Variants in ST18 observed in about 807,000 individuals in gnomAD.
The protein encoded by ST18 is suppression of tumorigenicity 18 protein.
A neutral mutation model predicts 110.0 loss-of-function variants in ST18; 50 were observed. That is an observed-to-expected ratio of 0.45 (90% CI 0.36 to 0.58). The LOEUF (loss-of-function observed/expected upper bound fraction) is 0.58, where lower values mean the gene tolerates loss of function less well. Ranked by LOEUF, ST18 falls within the 20% of genes least tolerant of loss-of-function variation. The pLI, the probability that ST18 is intolerant of heterozygous loss-of-function variation, is 0.00. For missense variants in ST18, 1,306 were observed against 1,280.1 expected (o/e 1.02, Z -0.31); for synonymous variants, 461 against 452.4 (o/e 1.02, Z -0.24).
At position 52,269,477 on chromosome 8, in the gene ST18, C is replaced by T. The variant is rs74482131; in HGVS notation, c.-464-39400G>A. On this transcript the variant is annotated intron_variant, in intron 2 of 25. Transcript: ENST00000689386. ...GTCACTGCTACAGACATTCCTGAGACAATACTAGCTGCCTGTTAGGCCACC... is the reference window on the plus strand; with the variant it reads ...GTCACTGCTACAGACATTCCTGAGATAATACTAGCTGCCTGTTAGGCCACC... 1.0e-3 allele frequency among the ~76,000 whole-genome samples: 154 copies of T among 152,268 alleles called. 2 individuals carry two copies. In the East Asian group the frequency reaches 0.024, roughly 23 times the overall value.
intron 3 of ST18, among the ~76,000 whole-genome samples, chr8:52,223,414 C>A (rs927157163): frequency 8.5e-5 from 13 of 152,206 alleles, no homozygotes; most frequent in Middle Eastern, 3.4e-3. Context: ...GAGGCCGAGG[C>A]GGGTGGATCA....
At chr8:52,203,361 A>G (rs1304171204) in intron 8 of ST18, among the ~76,000 whole-genome samples, 1 of 152,144 alleles carries the variant, frequency 6.6e-6, no homozygotes, top group African/African-American at 2.4e-5. Context: ...CCACCACACA[A>G]ACTCTTGGCT....
At chr8:52,266,521 G>A (rs1353295586) in intron 2 of ST18, among the ~76,000 whole-genome samples, 1 of 151,366 alleles carries the variant, frequency 6.6e-6, no homozygotes, top group Non-Finnish European at 1.5e-5. Flanking sequence ...ACAGGGGAAG[G>A]ATCGCAGAGT....
At chr8:52,163,934 G>A in intron 13 of ST18, 52 bp downstream of exon 13, 1 of 1,432,440 alleles carries the variant, frequency 7.0e-7, no homozygotes, top group Non-Finnish European at 9.8e-7. Flanking sequence ...AGGCCCCGCT[G>A]TGCAGGAGCC....
chr8:52,292,980 G>A (rs1341752374), intron 2 of ST18, among the ~76,000 whole-genome samples: 1 of 152,130 alleles, frequency 6.6e-6, no homozygotes, highest in African/African-American at 2.4e-5. Context: ...ATTATTCTAG[G>A]ATGGCCTCAG....
intron 16 of ST18, among the ~76,000 whole-genome samples, chr8:52,144,167 A>G (rs370033740): frequency 9.1e-4 from 138 of 152,242 alleles, no homozygotes; most frequent in African/African-American, 3.2e-3. Flanking sequence ...GTTTTTCTCA[A>G]TCACATAATT....
chr8:52,180,099 GT>G (rs1244968483), intron 9 of ST18, 22 bp downstream of exon 9: 1 of 1,611,824 alleles, frequency 6.2e-7, no homozygotes, highest in East Asian at 2.2e-5. Flanking sequence ...AGCAGGTAAA[GT>G]TTGGGCTCTC....
At chr8:52,203,797 C>G (rs1020256359) in intron 8 of ST18, among the ~76,000 whole-genome samples, 2 of 151,958 alleles carry the variant, frequency 1.3e-5, no homozygotes, top group Non-Finnish European at 2.9e-5. Flanking sequence ...AGATTTGGAC[C>G]AAAGGGAGCC....
intron 2 of ST18, among the ~76,000 whole-genome samples, chr8:52,384,770 C>T (rs1835883273): frequency 7.3e-6 from 1 of 137,680 alleles, no homozygotes; most frequent in Non-Finnish European, 1.5e-5. Context: ...CATTCATTCC[C>T]CTATGTGTGT....
At chr8:52,299,020 G>T (rs2095675095) in intron 2 of ST18, among the ~76,000 whole-genome samples, 1 of 152,060 alleles carries the variant, frequency 6.6e-6, no homozygotes, top group Non-Finnish European at 1.5e-5. Flanking sequence ...TGGAATTGTT[G>T]GGTTTCCTGG....
chr8:52,368,995 G>T (rs559732954), intron 2 of ST18, among the ~76,000 whole-genome samples: 1 of 152,060 alleles, frequency 6.6e-6, no homozygotes, highest in Non-Finnish European at 1.5e-5. Context: ...ACAGCAAAAA[G>T]GGCCAGAAAG....
intron 16 of ST18, among the ~76,000 whole-genome samples, chr8:52,146,034 A>G (rs2057144991): frequency 6.6e-6 from 1 of 152,244 alleles, no homozygotes; most frequent in Non-Finnish European, 1.5e-5. Context: ...TATGAACTAG[A>G]TAACAATGAA....
At chr8:52,158,598 A>G (rs2060593459) in intron 15 of ST18, among the ~76,000 whole-genome samples, 1 of 152,196 alleles carries the variant, frequency 6.6e-6, no homozygotes, top group Non-Finnish European at 1.5e-5. Context: ...CCCCATAGCA[A>G]AAACAGCTTT....
At chr8:52,309,390 G>A (rs913106665) in intron 2 of ST18, among the ~76,000 whole-genome samples, 36 of 151,858 alleles carry the variant, frequency 2.4e-4, no homozygotes, top group African/African-American at 7.5e-4. Context: ...GTGTGGTGGC[G>A]CATGCCTGTA....
chr8:52,350,829 G>A (rs376380335), intron 2 of ST18, among the ~76,000 whole-genome samples: 3 of 151,548 alleles, frequency 2.0e-5, no homozygotes, highest in Non-Finnish European at 4.4e-5. Context: ...CAAGCAATTC[G>A]ATTGCCTCAG....
rs879333161 is a variant in ST18 at position 52,136,770 on chromosome 8, G to GA, written c.2232-113dup. 1.4e-3 allele frequency: 1,220 copies of GA among 881,734 alleles called. 1 individual carries two copies. The highest frequency in any genetic ancestry group is 3.1e-3 in the South Asian group (174 of 55,634). The allele number at this position is 881,734 out of a possible 1,614,324, so 54.6% of individuals were successfully genotyped here. A position where few individuals can be genotyped will look rare whatever the true frequency, so the allele number is the denominator to read the frequency against. On this transcript the variant is annotated intron_variant, in intron 18 of 25. Transcript: ENST00000689386. ...TAAATTATTGGTGACTGGGGATTGG[G>GA]AAAAAAAAATAACTGGCTTTGAATC...
intron 8 of ST18, 70 bp from the exon 9 acceptor site, chr8:52,180,382 T>C: frequency 6.4e-7 from 1 of 1,561,750 alleles, no homozygotes; most frequent in Non-Finnish European, 8.7e-7. Context: ...TTAACTTTCA[T>C]GAAGTCTAAC....
chr8:52,128,051 C>A (rs1031680965), intron 22 of ST18, among the ~76,000 whole-genome samples: 2 of 152,144 alleles, frequency 1.3e-5, no homozygotes, highest in African/African-American at 4.8e-5. Flanking sequence ...TCACTGCAAC[C>A]TCCACCTCCT....
intron 2 of ST18, among the ~76,000 whole-genome samples, chr8:52,289,595 C>T (rs1301901424): frequency 1.3e-5 from 2 of 152,196 alleles, no homozygotes; most frequent in African/African-American, 2.4e-5. Flanking sequence ...TTGACCATCA[C>T]ACTGCTAGCA....
Sources: gnomAD v4.1 joint callset for allele counts (sites outside exome capture counted in the v4.1 genomes callset) on GRCh38, gnomAD v4.1.1 for gene constraint, MANE v1.5 for transcripts, NCBI Gene and HGNC (gene_info 2026-07-23, HGNC 2026-07-21) for gene names.